The following RETREG1 variants were observed in gnomAD, a reference collection of about 807,000 sequenced individuals.
The protein encoded by RETREG1 is family with sequence similarity 134 member B.
In RETREG1, 44 loss-of-function variants were observed where a neutral mutation model predicts 54.8. The ratio of observed to expected loss-of-function variants is 0.80; its 90% CI spans 0.63 to 1.03. The LOEUF is 1.03. Ranked by LOEUF, RETREG1 falls within the 50% of genes least tolerant of loss-of-function variation. RETREG1 has a pLI of 0.00. For synonymous variants in RETREG1, 217 were observed against 238.5 expected (o/e 0.91, Z 0.83); for missense variants, 554 against 605.1 (o/e 0.92, Z 0.89).
At chr5:16,542,136 G>A (rs1440697019) in intron 3 of RETREG1, among the ~76,000 whole-genome samples, 1 of 152,206 alleles carries the variant, frequency 6.6e-6, no homozygotes, top group Non-Finnish European at 1.5e-5. Flanking sequence ...CTAAGATGCA[G>A]AACATTTCCA....
At chr5:16,560,660 G>A (rs1741829525) in intron 3 of RETREG1, among the ~76,000 whole-genome samples, 7 of 152,174 alleles carry the variant, frequency 4.6e-5, no homozygotes. Context: ...CTGTGAATGT[G>A]GAGGTGAAAA....
intron 1 of RETREG1, among the ~76,000 whole-genome samples, chr5:16,600,537 A>G (rs1258219890): frequency 6.6e-6 from 1 of 152,160 alleles, no homozygotes; most frequent in Non-Finnish European, 1.5e-5. Context: ...CCACGTGTTC[A>G]TCATCTCCCT....
chr5:16,521,656 C>G (rs1056383288), intron 3 of RETREG1, among the ~76,000 whole-genome samples: 2 of 152,168 alleles, frequency 1.3e-5, no homozygotes, highest in African/African-American at 4.8e-5. Flanking sequence ...GCCCTCAGCT[C>G]AAAACAAACC....
chr5:16,513,010 T>G (rs985245681), intron 3 of RETREG1, among the ~76,000 whole-genome samples: 1 of 152,142 alleles, frequency 6.6e-6, no homozygotes, highest in Non-Finnish European at 1.5e-5. Flanking sequence ...GAGTTCTCTC[T>G]TGGATTCTGA....
rs1561120789 is a variant in RETREG1 at position 16,561,093 on chromosome 5, G to A, written c.458+4670C>T. ...ACCAGATGAAAACCTGAGGCCGAAAGAGAAGTGAAGTTGGCAGGACCACGA... is the reference window on the plus strand; with the variant it reads ...ACCAGATGAAAACCTGAGGCCGAAAAAGAAGTGAAGTTGGCAGGACCACGA... On this transcript the variant is annotated intron_variant, in intron 3 of 8. Coordinates refer to ENST00000306320, the MANE Select transcript of RETREG1 (RefSeq NM_001034850.3). The surrounding 1 kb of genome is among the most constrained non-coding windows in gnomAD (Gnocchi z 4.2). 6.6e-6 allele frequency among the ~76,000 whole-genome samples: 1 copy of A among 152,192 alleles called. No individual in the cohort carries two copies. The highest frequency in any genetic ancestry group is 6.5e-5 in the Admixed American group (1 of 15,268).
chr5:16,578,192 A>G (rs953877521), intron 1 of RETREG1, among the ~76,000 whole-genome samples: 5 of 152,220 alleles, frequency 3.3e-5, no homozygotes, highest in African/African-American at 1.2e-4. Flanking sequence ...TATAGAAAAT[A>G]TAACATTTAC....
chr5:16,581,287 C>T (rs1742468402), intron 1 of RETREG1, among the ~76,000 whole-genome samples: 1 of 152,114 alleles, frequency 6.6e-6, no homozygotes, highest in South Asian at 2.1e-4. Flanking sequence ...TGCTCCACTG[C>T]CCCATCACAC....
intron 3 of RETREG1, among the ~76,000 whole-genome samples, chr5:16,562,622 T>C (rs1579686217): frequency 6.6e-6 from 1 of 152,176 alleles, no homozygotes; most frequent in East Asian, 1.9e-4. Context: ...GTACCCTTGA[T>C]AGGATGATGA....
In RETREG1 at chr5:16,594,064, G is replaced by T. The variant is rs1454846206; in HGVS notation, c.321-21962C>A. 1.3e-5 allele frequency among the ~76,000 whole-genome samples: 2 copies of T among 152,214 alleles called. No individual in the cohort carries two copies. The highest frequency in any genetic ancestry group is 3.9e-4 in the East Asian group (2 of 5,192). On this transcript the variant is annotated intron_variant, in intron 1 of 8. Transcript: ENST00000306320. This position sits in a 1 kb window ranked among gnomAD's most constrained non-coding sequence, Gnocchi z 4.4. The stretch of plus-strand genomic sequence containing the variant: ...CACAGGCCCACAGCAAAATGTATTA[G>T]ATCACAGTCTCACAATCTTAAGATA...
In RETREG1 at chr5:16,616,385, G is replaced by A. The variant is rs192496375; in HGVS notation, c.320+267C>T. ...AAGCACGATGGGAACACCTGTAGGT[G>A]CAGGTGCCTGAGGGTCGGCCGACCA... On this transcript the variant is annotated intron_variant, in intron 1 of 8. Coordinates refer to ENST00000306320, the MANE Select transcript of RETREG1 (RefSeq NM_001034850.3). 2.9e-5 allele frequency: 15 copies of A among 510,528 alleles called. No individual in the cohort carries two copies. In the Admixed American group the frequency reaches 5.5e-4, roughly 19 times the overall value. 31.6% of individuals were successfully genotyped at this position (510,528 alleles called of 1,614,324 possible). A position where few individuals can be genotyped will look rare whatever the true frequency, so the allele number is the denominator to read the frequency against.
chr5:16,560,257 A>G (rs1437013282), intron 3 of RETREG1, among the ~76,000 whole-genome samples: 1 of 152,238 alleles, frequency 6.6e-6, no homozygotes, highest in Non-Finnish European at 1.5e-5. Context: ...TTTGAAGGAA[A>G]TACTTTAAGC....
At chr5:16,480,933 C>T in intron 5 of RETREG1, 76 bp downstream of exon 5, 1 of 974,316 alleles carries the variant, frequency 1.0e-6, no homozygotes, top group Non-Finnish European at 1.7e-6. Context: ...CCCCCCTCTT[C>T]AAACTACAGG....
chr5:16,525,308 C>T, intron 3 of RETREG1, among the ~76,000 whole-genome samples: 1 of 89,240 alleles, frequency 1.1e-5, no homozygotes, highest in African/African-American at 4.0e-5. Flanking sequence ...TTTGCGTCCT[C>T]CAGCCCCAAC....
intron 3 of RETREG1, among the ~76,000 whole-genome samples, chr5:16,503,130 G>A (rs977051606): frequency 6.6e-6 from 1 of 152,220 alleles, no homozygotes; most frequent in Non-Finnish European, 1.5e-5. Context: ...GTGATTACAG[G>A]AAGCTCACTG....
chr5:16,506,411 A>G (rs1217268048), intron 3 of RETREG1, among the ~76,000 whole-genome samples: 1 of 152,146 alleles, frequency 6.6e-6, no homozygotes, highest in Non-Finnish European at 1.5e-5. Context: ...GACTTGTCCA[A>G]TGGCATTTCA....
chr5:16,523,764 G>T (rs1278175086), intron 3 of RETREG1, among the ~76,000 whole-genome samples: 1 of 152,024 alleles, frequency 6.6e-6, no homozygotes, highest in East Asian at 1.9e-4. Flanking sequence ...AGGAAGACCT[G>T]CCTCTCCCCT....
chr5:16,566,653 C>G (rs1035631802), intron 2 of RETREG1, among the ~76,000 whole-genome samples: 2 of 152,150 alleles, frequency 1.3e-5, no homozygotes, highest in African/African-American at 4.8e-5. Flanking sequence ...AAATTGCTTG[C>G]TTCATTTTTT....
At chr5:16,499,336 A>G (rs894760275) in intron 3 of RETREG1, among the ~76,000 whole-genome samples, 13 of 152,192 alleles carry the variant, frequency 8.5e-5, no homozygotes, top group East Asian at 1.9e-4. Context: ...ATCCACCACT[A>G]ATGTTATAAG....
At chr5:16,565,616 A>G (rs1034510830) in intron 3 of RETREG1, 147 bp downstream of exon 3, 7 of 845,440 alleles carry the variant, frequency 8.3e-6, no homozygotes, top group Non-Finnish European at 1.9e-6. Flanking sequence ...GATTGATGGT[A>G]TTTTTCTTCA....
Sources: allele counts gnomAD v4.1 joint callset (sites outside exome capture counted in the v4.1 genomes callset), GRCh38; gene constraint gnomAD v4.1.1; non-coding constraint Gnocchi (gnomAD v3.1); transcripts MANE v1.5; gene names NCBI Gene and HGNC (gene_info 2026-07-23, HGNC 2026-07-21).